Variants in AXDND1 observed in about 807,000 individuals in gnomAD.
AXDND1 encodes the protein axonemal dynein light chain domain containing 1, also known as axonemal dynein light chain domain-containing protein 1.
AXDND1 carries 110 observed loss-of-function variants against 137.5 expected under a neutral mutation model. The ratio of observed to expected loss-of-function variants is 0.80; its 90% CI spans 0.69 to 0.94. The LOEUF is 0.94. AXDND1 is among the 40% of genes least tolerant of loss of function. The probability of loss-of-function intolerance (pLI) is 0.00; values close to 1 mark genes in which losing one functional copy is unlikely to be tolerated. For missense variants in AXDND1, 1,191 were observed against 1,169.8 expected, an observed-to-expected ratio of 1.02 and a Z score of -0.26; for synonymous variants, 414 against 399.7, an observed-to-expected ratio of 1.04 and a Z score of -0.43.
intron 14 of AXDND1, among the ~76,000 whole-genome samples, chr1:179,430,922 T>A (rs1012942489): frequency 1.3e-5 from 2 of 152,188 alleles, no homozygotes; most frequent in Admixed American, 6.5e-5. Context: ...AGTATTTGGA[T>A]CCATCTGCAA....
At chr1:179,483,981 A>C in intron 18 of AXDND1, among the ~76,000 whole-genome samples, 1 of 152,204 alleles carries the variant, frequency 6.6e-6, no homozygotes, top group East Asian at 1.9e-4. Flanking sequence ...CACTCCAAGC[A>C]TATCTTTAGA....
At chr1:179,456,861 T>A in intron 16 of AXDND1, 1 of 834,266 alleles carries the variant, frequency 1.2e-6, no homozygotes, top group South Asian at 1.3e-5. Flanking sequence ...GACAGTTTTA[T>A]CCATGGAGTT....
chr1:179,483,435 G>A (rs1350927048), intron 18 of AXDND1, among the ~76,000 whole-genome samples: 1 of 152,218 alleles, frequency 6.6e-6, no homozygotes, highest in Non-Finnish European at 1.5e-5. Context: ...GAGTCAATGA[G>A]CAAATATGTT....
intron 23 of AXDND1, 116 bp downstream of exon 23, chr1:179,528,547 T>C (rs1403701506): frequency 3.9e-6 from 2 of 513,924 alleles, no homozygotes; most frequent in South Asian, 5.3e-5. Context: ...CTAAGTCATG[T>C]ATTTTACAGA....
chr1:179,435,004 C>T (rs1657939471), intron 15 of AXDND1, among the ~76,000 whole-genome samples: 1 of 152,084 alleles, frequency 6.6e-6, no homozygotes, highest in Admixed American at 6.6e-5. Flanking sequence ...TCACAGGAAA[C>T]AAAATCAACG....
chr1:179,528,399 C>T lies in AXDND1; in HGVS notation c.2683C>T (p.Pro895Ser). 6.2e-7 allele frequency: 1 copy of T among 1,613,644 alleles called. No individual in the cohort carries two copies. Among genetic ancestry groups the T allele is most frequent in the Non-Finnish European group, 8.5e-7 (1 of 1,179,572 alleles). ...IGEDENVHSKPLFETDVLSSW... is the reference protein window; with the variant it reads ...IGEDENVHSKSLFETDVLSSW... ...AGAAGATGAAAATGTTCATTCCAAA[C>T]CTCTATTTGAAACAGATGTGTTGTC... Residue 895 changes from proline to serine, a missense_variant, in exon 23 of 26, where the codon CCT becomes TCT. Coordinates refer to ENST00000367618, the MANE Select transcript of AXDND1 (RefSeq NM_144696.6).
intron 15 of AXDND1, among the ~76,000 whole-genome samples, chr1:179,442,851 G>A (rs1412294843): frequency 6.6e-6 from 1 of 152,126 alleles, no homozygotes; most frequent in African/African-American, 2.4e-5. Flanking sequence ...TGAACAAAGT[G>A]GGGCGAACGT....
intron 17 of AXDND1, among the ~76,000 whole-genome samples, chr1:179,474,860 C>A (rs1664412850): frequency 6.6e-6 from 1 of 152,216 alleles, no homozygotes; most frequent in Non-Finnish European, 1.5e-5. Context: ...GATCCTCAGA[C>A]CAACCCCTCT....
intron 20 of AXDND1, among the ~76,000 whole-genome samples, chr1:179,508,572 T>C (rs952523139): frequency 1.3e-5 from 2 of 152,178 alleles, no homozygotes; most frequent in African/African-American, 4.8e-5. Context: ...TTAGGAGATC[T>C]TGGTAAATAC....
intron 20 of AXDND1, chr1:179,507,057 C>T (rs1254818490): frequency 1.7e-5 from 4 of 235,048 alleles, no homozygotes; most frequent in African/African-American, 9.3e-5. Context: ...TTCTGTTTCT[C>T]CTGCTACAAT....
intron 12 of AXDND1, among the ~76,000 whole-genome samples, chr1:179,416,076 C>T (rs1654654170): frequency 1.3e-5 from 2 of 152,048 alleles, no homozygotes; most frequent in African/African-American, 4.8e-5. Context: ...ATTAATCAAC[C>T]TCTCTTTATC....
chr1:179,436,964 T>C (rs559153517), intron 15 of AXDND1, among the ~76,000 whole-genome samples: 1 of 152,220 alleles, frequency 6.6e-6, no homozygotes, highest in Admixed American at 6.5e-5. Context: ...TTAGTAACTT[T>C]TGCTTTCATG....
rs753324679 is a variant in AXDND1 at position 179,383,520 on chromosome 1, T to G, written c.717T>G (p.Asn239Lys). The G allele has an allele frequency of 6.2e-7, 1 of 1,613,692 alleles. No homozygotes were observed. The highest frequency in any genetic ancestry group is 1.1e-5 in the South Asian group (1 of 91,046). ...TGCTAGAGAGGGCTGGTGTGGAAAA[T>G]CAGGAATATACAGGACCAACGAAGG... ...DTMLERAGVENQEYTGPTKMH... is the reference protein window; with the variant it reads ...DTMLERAGVEKQEYTGPTKMH... The change falls in exon 8 of 26, where the codon AAT becomes AAG. Residue 239 changes from asparagine to lysine, a missense_variant. By Grantham distance (94) the Asn-to-Lys change is moderately conservative. Coordinates refer to ENST00000367618, the MANE Select transcript of AXDND1 (RefSeq NM_144696.6).
chr1:179,476,622 A>G (rs546146369), intron 17 of AXDND1, among the ~76,000 whole-genome samples: 1 of 152,188 alleles, frequency 6.6e-6, no homozygotes, highest in South Asian at 2.1e-4. Context: ...TTTGTTGGAT[A>G]TAGGATTCTT....
intron 17 of AXDND1, among the ~76,000 whole-genome samples, chr1:179,476,547 A>G (rs1261218082): frequency 1.7e-5 from 2 of 120,154 alleles, no homozygotes; most frequent in African/African-American, 5.9e-5. Context: ...ACTAGCAACA[A>G]ATTCTTCGGT....
rs1367581964 is a variant in AXDND1, at chr1:179,395,127, T to C, written c.1034T>C (p.Val345Ala). The C allele has an allele frequency of 6.2e-7, 1 of 1,613,118 alleles. No homozygotes were observed. Among genetic ancestry groups the C allele is most frequent in the East Asian group, 2.2e-5 (1 of 44,842 alleles). ...RELCLVRAHD[V>A]KLTKETEKAH... The stretch of plus-strand genomic sequence containing the variant: ...CTGTGTCTAGTTCGGGCACATGATG[T>C]GAAATTAACAAAGGAAACAGAAAAA... The change falls in exon 11 of 26, where the codon GTG (valine) becomes GCG (alanine). Residue 345 changes from valine to alanine, a missense_variant. Physicochemically the swap from Val to Ala is moderately conservative, Grantham distance 64 (BLOSUM62 0). Coordinates refer to ENST00000367618, the MANE Select transcript of AXDND1 (RefSeq NM_144696.6).
chr1:179,457,500 T>G lies in AXDND1; in HGVS notation c.1799-10943T>G, dbSNP rs113939612. Among the ~76,000 whole-genome samples the G allele has an allele frequency of 4.0e-3, 615 of 152,346 alleles. 4 individuals carry two copies. Among genetic ancestry groups the G allele is most frequent in the African/African-American group, 0.012 (509 of 41,574 alleles). ...TTTCAAAATTTATTTTGTTCTTAGT[T>G]TAGCTTCCCCCATACTTTGTGTTAT... On this transcript the variant is annotated intron_variant, in intron 16 of 25. Transcript: ENST00000367618.
At chr1:179,396,621 A>T (rs2125149628) in intron 11 of AXDND1, among the ~76,000 whole-genome samples, 1 of 151,558 alleles carries the variant, frequency 6.6e-6, no homozygotes, top group East Asian at 2.0e-4. Context: ...GCACTCCAGC[A>T]CTCTAGCCTG....
chr1:179,506,701 G>A (rs921340902), intron 20 of AXDND1: 4 of 218,584 alleles, frequency 1.8e-5, no homozygotes, highest in Non-Finnish European at 3.1e-5. Flanking sequence ...CTGCACTCTA[G>A]CCTGGGCGAC....
Sources: allele counts gnomAD v4.1 joint callset (sites outside exome capture counted in the v4.1 genomes callset), GRCh38; gene constraint gnomAD v4.1.1; transcripts MANE v1.5; gene names NCBI Gene and HGNC (gene_info 2026-07-23, HGNC 2026-07-21).